HDAC4: variants seen among roughly 807,000 people sequenced by gnomAD.
HDAC4 encodes histone deacetylase A.
Under a neutral mutation model 135.1 loss-of-function variants are expected in HDAC4, and 16 were observed. The ratio of observed to expected loss-of-function variants is 0.12; its 90% CI spans 0.08 to 0.18. The LOEUF is 0.18. Among genes scored for constraint, HDAC4 ranks in the 10% least tolerant of loss-of-function variants. HDAC4 has a pLI of 1.00. For synonymous variants in HDAC4, 685 were observed against 653.4 expected, an observed-to-expected ratio of 1.05 and a Z score of -0.74; for missense variants, 1,143 against 1,511.8, an observed-to-expected ratio of 0.76 and a Z score of 4.05.
At chr2:239,120,234 G>C (rs1330050560) in intron 12 of HDAC4, among the ~76,000 whole-genome samples, 1 of 152,198 alleles carries the variant, frequency 6.6e-6, no homozygotes, top group Non-Finnish European at 1.5e-5. Flanking sequence ...TAAAGTCAAA[G>C]CTGGGAGCAC....
At chr2:239,084,114 G>C in intron 20 of HDAC4, 41 bp downstream of exon 20, 2 of 1,477,344 alleles carry the variant, frequency 1.4e-6, no homozygotes, top group African/African-American at 1.4e-5. Context: ...GGACGGCAAA[G>C]GAGCAACCTG....
chr2:239,131,969 A>C (rs571338575), intron 11 of HDAC4, among the ~76,000 whole-genome samples: 32 of 152,286 alleles, frequency 2.1e-4, no homozygotes, highest in Admixed American at 2.0e-3. Flanking sequence ...AGGAACCTGC[A>C]CAGGAGGCTT....
rs188743898 is a variant in HDAC4 at position 239,117,182 on chromosome 2, C to T, written c.1534-1872G>A. ...CTGTGGGAAGCCAGCAGGGCTGCAG[C>T]GTGGAAGGCCAGAGAACAGGAACAC... On this transcript the variant is annotated intron_variant, in intron 12 of 26. Transcript: ENST00000543185. Among the ~76,000 whole-genome samples the T allele has an allele frequency of 2.4e-3, 364 of 152,252 alleles. 2 individuals are homozygous for T. The highest frequency in any genetic ancestry group is 3.3e-3 in the Non-Finnish European group (222 of 68,016).
chr2:239,306,366 C>A lies in HDAC4; in HGVS notation c.22+46312G>T, dbSNP rs113985542. 4.6e-3 allele frequency among the ~76,000 whole-genome samples: 706 copies of A among 152,284 alleles called. 5 individuals are homozygous for A. Among genetic ancestry groups the A allele is most frequent in the Middle Eastern group, 6.8e-3 (2 of 294 alleles). ...CAGTGACTACAACAGAGGACACAGC[C>A]TTCCAGTGGACACGAGGACCTCAGA... On this transcript the variant is annotated intron_variant, in intron 2 of 26. Coordinates refer to ENST00000543185, the MANE Select transcript of HDAC4 (RefSeq NM_001378414.1). This position sits in a 1 kb window ranked among gnomAD's most constrained non-coding sequence, Gnocchi z 4.5.
intron 9 of HDAC4, 101 bp from the exon 10 acceptor site, chr2:239,134,744 G>T: frequency 1.2e-6 from 1 of 856,918 alleles, no homozygotes; most frequent in South Asian, 1.3e-5. Context: ...ACTGAATTCT[G>T]ATATATGAGC....
chr2:239,112,454 C>T (rs1363351696), intron 13 of HDAC4, among the ~76,000 whole-genome samples: 2 of 152,340 alleles, frequency 1.3e-5, no homozygotes, highest in Middle Eastern at 3.4e-3. Flanking sequence ...GCAGTAACAG[C>T]CCATCAGCTT....
intron 6 of HDAC4, among the ~76,000 whole-genome samples, chr2:239,160,369 G>C (rs1030306880): frequency 6.6e-6 from 1 of 152,310 alleles, no homozygotes; most frequent in South Asian, 2.1e-4. Context: ...CGGGAGCCAC[G>C]TGTGGCTTGT....
chr2:239,198,316 A>T (rs73002099), intron 3 of HDAC4, among the ~76,000 whole-genome samples: 1 of 152,250 alleles, frequency 6.6e-6, no homozygotes, highest in Non-Finnish European at 1.5e-5. Flanking sequence ...GGCTTCATGG[A>T]GGGTGACTGG....
intron 22 of HDAC4, among the ~76,000 whole-genome samples, chr2:239,070,927 G>T (rs1386158625): frequency 2.8e-5 from 4 of 144,000 alleles, no homozygotes; most frequent in Non-Finnish European, 3.0e-5. Context: ...AGTCTCTGTT[G>T]TTTTTTTTTT....
intron 1 of HDAC4, among the ~76,000 whole-genome samples, chr2:239,396,863 C>A (rs1215291653): frequency 1.3e-5 from 2 of 152,242 alleles, no homozygotes; most frequent in Admixed American, 1.3e-4. Flanking sequence ...GAACAACAAA[C>A]ACTAAAAGCT....
intron 16 of HDAC4, among the ~76,000 whole-genome samples, chr2:239,098,367 A>G (rs533511508): frequency 6.6e-6 from 1 of 152,362 alleles, no homozygotes; most frequent in African/African-American, 2.4e-5. Context: ...TGCCTGGGGC[A>G]GGGAAGGCTC....
chr2:239,240,680 T>G lies in HDAC4; in HGVS notation c.23-4016A>C, dbSNP rs971423522. ...ATCAGCGCTGGGGCTGCAGACCAGA[T>G]GCACACTGAGAGGGAGGCCGAGGAG... On this transcript the variant is annotated intron_variant, in intron 2 of 26. Coordinates refer to ENST00000543185, the MANE Select transcript of HDAC4 (RefSeq NM_001378414.1). This position sits in a 1 kb window ranked among gnomAD's most constrained non-coding sequence, Gnocchi z 4.5. 9.2e-5 allele frequency among the ~76,000 whole-genome samples: 14 copies of G among 152,216 alleles called. No individual in the cohort carries two copies. Among genetic ancestry groups the G allele is most frequent in the South Asian group, 6.2e-4 (3 of 4,830 alleles).
chr2:239,175,327 C>T (rs2043690488), intron 5 of HDAC4, among the ~76,000 whole-genome samples: 1 of 152,182 alleles, frequency 6.6e-6, no homozygotes, highest in Non-Finnish European at 1.5e-5. Flanking sequence ...CACGGTGGAC[C>T]CTGCACCCCG....
chr2:239,153,928 A>C (rs1362164055), intron 7 of HDAC4, among the ~76,000 whole-genome samples: 1 of 152,252 alleles, frequency 6.6e-6, no homozygotes, highest in Non-Finnish European at 1.5e-5. Flanking sequence ...GGGCCGTGAC[A>C]GTGTGCCGTC....
intron 2 of HDAC4, among the ~76,000 whole-genome samples, chr2:239,250,108 C>T (rs958035565): frequency 2.0e-5 from 3 of 152,270 alleles, no homozygotes; most frequent in African/African-American, 7.2e-5. Context: ...GCAGGGAATA[C>T]CCCGCTCCAC....
intron 3 of HDAC4, among the ~76,000 whole-genome samples, chr2:239,192,457 C>G (rs1416619008): frequency 6.6e-6 from 1 of 152,212 alleles, no homozygotes; most frequent in East Asian, 1.9e-4. Context: ...TTCAGACTTT[C>G]TTTTAAGGAA....
chr2:239,387,691 C>T (rs181692888), intron 1 of HDAC4, among the ~76,000 whole-genome samples: 341 of 152,330 alleles, frequency 2.2e-3, no homozygotes, highest in African/African-American at 7.2e-3. Flanking sequence ...AAAACCGAGG[C>T]TTAGAGCGGT....
intron 2 of HDAC4, among the ~76,000 whole-genome samples, chr2:239,251,279 C>T (rs1047182899): frequency 3.9e-5 from 6 of 152,202 alleles, no homozygotes; most frequent in African/African-American, 9.7e-5. Context: ...CAGCTAGCGT[C>T]GTGGGTGATC....
At chr2:239,124,685 CGTT>C (rs1559475275) in intron 12 of HDAC4, among the ~76,000 whole-genome samples, 7 of 31,604 alleles carry the variant, frequency 2.2e-4, no homozygotes, top group Admixed American at 3.5e-4. Context: ...CGTGTGGCCG[CGTT>C]ATATGACATT....
Sources: gnomAD v4.1 joint callset for allele counts (sites outside exome capture counted in the v4.1 genomes callset) on GRCh38, gnomAD v4.1.1 for gene constraint, Gnocchi (gnomAD v3.1) non-coding constraint, MANE v1.5 for transcripts, NCBI Gene and HGNC (gene_info 2026-07-23, HGNC 2026-07-21) for gene names.